Variants in CPLX1 observed in about 807,000 individuals in gnomAD.
CPLX1 encodes the protein complexin 1, also known as complexin-1.
CPLX1 carries 6 observed loss-of-function variants against 15.6 expected under a neutral mutation model. That is an observed-to-expected ratio of 0.39 (90% CI 0.21 to 0.76). The LOEUF is 0.76. Among genes scored for constraint, CPLX1 ranks in the 30% least tolerant of loss-of-function variants. CPLX1 has a pLI of 0.43. For missense variants in CPLX1, 242 were observed against 188.6 expected (o/e 1.28, Z -1.66); for synonymous variants, 91 against 75.2 (o/e 1.21, Z -1.08).
intron 1 of CPLX1, among the ~76,000 whole-genome samples, chr4:825,484 G>A (rs1330717203): frequency 3.3e-5 from 5 of 151,930 alleles, no homozygotes; most frequent in African/African-American, 1.2e-4. Flanking sequence ...CTCCCGCGGC[G>A]CGGGGAAGGA....
chr4:823,929 G>C (rs944763588), intron 2 of CPLX1, among the ~76,000 whole-genome samples: 3 of 152,222 alleles, frequency 2.0e-5, no homozygotes, highest in African/African-American at 4.8e-5. Context: ...AAGCTGTTTC[G>C]GGCCTTTTCC....
At chr4:803,252 C>A (rs935899714) in intron 2 of CPLX1, among the ~76,000 whole-genome samples, 1 of 152,236 alleles carries the variant, frequency 6.6e-6, no homozygotes, top group East Asian at 1.9e-4. Context: ...TGCGATTCTG[C>A]GCTGTTTCGA....
At chr4:804,824 G>T in intron 2 of CPLX1, 3 of 985,382 alleles carry the variant, frequency 3.0e-6, no homozygotes, top group Non-Finnish European at 3.6e-6. Flanking sequence ...CCTGGAGGCC[G>T]GCAAGCGTGG....
intron 2 of CPLX1, among the ~76,000 whole-genome samples, chr4:822,136 C>G (rs1746877916): frequency 7.1e-6 from 1 of 141,374 alleles, no homozygotes; most frequent in Non-Finnish European, 1.6e-5. Context: ...CCTCTCACCA[C>G]TGTCTCTCCC....
At chr4:795,415 G>A (rs946422357) in intron 2 of CPLX1, among the ~76,000 whole-genome samples, 1 of 152,198 alleles carries the variant, frequency 6.6e-6, no homozygotes. Flanking sequence ...CAGGAGGGCG[G>A]CGCTGCGACC....
chr4:823,646 C>T (rs1399284675), intron 2 of CPLX1, among the ~76,000 whole-genome samples: 3 of 152,226 alleles, frequency 2.0e-5, no homozygotes, highest in Non-Finnish European at 4.4e-5. Context: ...CTGGGCAAAA[C>T]TGAGACTCGC....
intron 2 of CPLX1, among the ~76,000 whole-genome samples, chr4:800,964 C>T (rs1746444961): frequency 6.6e-6 from 1 of 151,042 alleles, no homozygotes; most frequent in African/African-American, 2.4e-5. Context: ...TTGCAGTGAG[C>T]CAAGATCGTG....
At chr4:802,419 T>C (rs531304494) in intron 2 of CPLX1, among the ~76,000 whole-genome samples, 2 of 152,044 alleles carry the variant, frequency 1.3e-5, no homozygotes, top group Non-Finnish European at 2.9e-5. Flanking sequence ...CTCATTGGAG[T>C]GTACCCTTAA....
rs747459549 is a variant in CPLX1, at chr4:810,085, C to T, written c.31+14407G>A. ...TTTTTTTTGAGATGGAGTCTCGCTT[C>T]GTTGCCCAGGCTGGAGTGCAGTGGC... On this transcript the variant is annotated intron_variant, in intron 2 of 3. Coordinates refer to ENST00000304062, the MANE Select transcript of CPLX1 (RefSeq NM_006651.4). Among the ~76,000 whole-genome samples the T allele has an allele frequency of 5.3e-3, 709 of 134,074 alleles. 2 individuals are homozygous for T. The highest frequency in any genetic ancestry group is 7.7e-3 in the Non-Finnish European group (501 of 65,314). The allele number at this position is 134,074 out of a possible 152,430, so 88.0% of individuals were successfully genotyped here. A position where few individuals can be genotyped will look rare whatever the true frequency, so the allele number is the denominator to read the frequency against.
rs150664762 is a variant in CPLX1, at chr4:804,270, T to C, written c.32-11662A>G. Among the ~76,000 whole-genome samples, 644 of 152,360 alleles carry C rather than the reference T, an allele frequency of 4.2e-3. 5 individuals are homozygous for C. The highest frequency in any genetic ancestry group is 0.015 in the African/African-American group (625 of 41,584). On this transcript the variant is annotated intron_variant, in intron 2 of 3. Coordinates refer to ENST00000304062, the MANE Select transcript of CPLX1 (RefSeq NM_006651.4). ...CTTCCTGATGACACGATCCTATCTC[T>C]GAGAAACTCAAGACAGTGCAGTAAA...
chr4:806,993 A>G (rs960621498), intron 2 of CPLX1, among the ~76,000 whole-genome samples: 3 of 152,256 alleles, frequency 2.0e-5, no homozygotes, highest in African/African-American at 7.2e-5. Flanking sequence ...CCAAAGGAAT[A>G]TAAATCATTC....
chr4:792,383 C>G, intron 3 of CPLX1, 50 bp downstream of exon 3: 2 of 1,462,660 alleles, frequency 1.4e-6, no homozygotes, highest in African/African-American at 1.4e-5. Context: ...TCTGGGTCCC[C>G]GCTGGACTCA....
chr4:814,699 A>C (rs1363253881), intron 2 of CPLX1, among the ~76,000 whole-genome samples: 3 of 152,272 alleles, frequency 2.0e-5, no homozygotes, highest in South Asian at 4.1e-4. Context: ...GGTTTTCCCC[A>C]GGAGTCCGGG....
At chr4:809,567 A>G (rs1291910073) in intron 2 of CPLX1, among the ~76,000 whole-genome samples, 2 of 152,220 alleles carry the variant, frequency 1.3e-5, no homozygotes, top group Non-Finnish European at 1.5e-5. Flanking sequence ...CACATGTGTG[A>G]CCACTTCATG....
chr4:824,949 C>G (rs960299093), intron 1 of CPLX1: 1 of 367,138 alleles, frequency 2.7e-6, no homozygotes, highest in Non-Finnish European at 5.3e-6. Flanking sequence ...AGCTCAGTGT[C>G]TGGAGCGGCG....
intron 2 of CPLX1, among the ~76,000 whole-genome samples, chr4:820,861 C>G (rs1746848235): frequency 6.6e-6 from 1 of 152,128 alleles, no homozygotes; most frequent in Non-Finnish European, 1.5e-5. Context: ...CCCACAAGCC[C>G]CTTGGGTTGT....
intron 3 of CPLX1, chr4:788,152 C>G: frequency 2.0e-6 from 2 of 985,332 alleles, no homozygotes; most frequent in South Asian, 9.4e-5. Context: ...CCATCTCCTG[C>G]TCCTGTCTCA....
At chr4:816,561 C>G (rs1200859172) in intron 2 of CPLX1, among the ~76,000 whole-genome samples, 1 of 152,234 alleles carries the variant, frequency 6.6e-6, no homozygotes, top group East Asian at 1.9e-4. Context: ...CAAAACAATG[C>G]AGTATCTCAA....
chr4:788,042 G>A (rs561866508), intron 3 of CPLX1: 25 of 985,420 alleles, frequency 2.5e-5, no homozygotes, highest in Admixed American at 1.2e-4. Flanking sequence ...GAAAACTTAG[G>A]AGGGGAGTGG....
Sources: gnomAD v4.1 joint callset for allele counts (sites outside exome capture counted in the v4.1 genomes callset) on GRCh38, gnomAD v4.1.1 for gene constraint, MANE v1.5 for transcripts, NCBI Gene and HGNC (gene_info 2026-07-23, HGNC 2026-07-21) for gene names.